The following SEC24A variants were observed in gnomAD, a reference collection of about 807,000 sequenced individuals.
SEC24A encodes the protein protein transport protein Sec24A.
In SEC24A, 93 loss-of-function variants were observed where a neutral mutation model predicts 129.4. The observed-to-expected ratio is 0.72, with a 90% CI of 0.61 to 0.85. SEC24A has a LOEUF of 0.85. Among genes scored for constraint, SEC24A ranks in the 40% least tolerant of loss-of-function variants. The pLI, the probability that SEC24A is intolerant of heterozygous loss-of-function variation, is 0.00. For missense variants in SEC24A, 1,264 were observed against 1,307.4 expected (o/e 0.97, Z 0.51); for synonymous variants, 460 against 467.3 (o/e 0.98, Z 0.20).
chr5:134,698,318 C>T (rs1751890674), intron 15 of SEC24A, among the ~76,000 whole-genome samples: 1 of 152,026 alleles, frequency 6.6e-6, no homozygotes, highest in African/African-American at 2.4e-5. Context: ...AAGACCTTAT[C>T]TCCGGCTGGG....
chr5:134,694,330 A>G (rs541049299), intron 13 of SEC24A, among the ~76,000 whole-genome samples: 3 of 152,252 alleles, frequency 2.0e-5, no homozygotes, highest in Non-Finnish European at 4.4e-5. Context: ...GTTTGAGACC[A>G]GCCTGACCAA....
chr5:134,707,167 C>T (rs1752189358), intron 17 of SEC24A, among the ~76,000 whole-genome samples: 1 of 152,050 alleles, frequency 6.6e-6, no homozygotes, highest in African/African-American at 2.4e-5. Context: ...AAACTTAATT[C>T]TGTCTGTATC....
At position 134,668,314 on chromosome 5, in the gene SEC24A, C is replaced by T. The variant is rs114161966; in HGVS notation, c.739+1318C>T. On this transcript the variant is annotated intron_variant, in intron 3 of 22. Transcript: ENST00000398844. The stretch of plus-strand genomic sequence containing the variant: ...GTTAGCAACGAGTAACAAGGCCGGG[C>T]GTGGTGGCTCATGCCTTCAATCCTG... Among the ~76,000 whole-genome samples, 803 of 152,220 alleles carry T rather than the reference C, an allele frequency of 5.3e-3. 3 individuals are homozygous for T. The highest frequency in any genetic ancestry group is 0.031 in the Middle Eastern group (9 of 294).
intron 11 of SEC24A, among the ~76,000 whole-genome samples, chr5:134,691,072 CA>C (rs756482983): frequency 2.6e-5 from 4 of 151,814 alleles, no homozygotes; most frequent in Admixed American, 6.6e-5. Flanking sequence ...AATCTGGTCT[CA>C]AACTCCTGGC....
chr5:134,686,527 A>G (rs1751458300), intron 9 of SEC24A, among the ~76,000 whole-genome samples: 1 of 152,132 alleles, frequency 6.6e-6, no homozygotes, highest in Admixed American at 6.6e-5. Flanking sequence ...ATGAGCCACC[A>G]CGCCCAGCCA....
At position 134,676,144 on chromosome 5, in the gene SEC24A, CT is replaced by C. The variant is rs760290027; in HGVS notation, c.1254+32del. ...CTTAGTGGTATGTTTCTTTTCTTTT[CT>C]TTTTTTTTTTTTGAGACGGAGTCTC... is the stretch of plus-strand genomic sequence containing the variant. On this transcript the variant is annotated intron_variant, in intron 7 of 22. Coordinates refer to ENST00000398844, the MANE Select transcript of SEC24A (RefSeq NM_021982.3). 107,454 of 1,172,562 alleles carry C rather than the reference CT, an allele frequency of 0.092. No homozygotes were observed. The highest frequency in any genetic ancestry group is 0.11 in the South Asian group (7,147 of 64,730). The allele number at this position is 1,172,562 out of a possible 1,614,324, so 72.6% of individuals were successfully genotyped here.
At chr5:134,708,002 G>T (rs1196282009) in intron 17 of SEC24A, among the ~76,000 whole-genome samples, 1 of 152,142 alleles carries the variant, frequency 6.6e-6, no homozygotes, top group East Asian at 1.9e-4. Flanking sequence ...AGTGGCACAT[G>T]TCTGTAGTCC....
chr5:134,670,816 T>C (rs1285009893), intron 3 of SEC24A, among the ~76,000 whole-genome samples: 1 of 151,704 alleles, frequency 6.6e-6, no homozygotes, highest in African/African-American at 2.4e-5. Flanking sequence ...GGTGAACCCC[T>C]GTCTCTACTA....
intron 12 of SEC24A, 52 bp from the exon 13 acceptor site, chr5:134,693,675 T>C (rs139612605): frequency 6.3e-7 from 1 of 1,595,884 alleles, no homozygotes; most frequent in African/African-American, 1.3e-5. Context: ...TGACTTAATG[T>C]GAAATAAAAT....
intron 7 of SEC24A, among the ~76,000 whole-genome samples, chr5:134,677,690 A>G (rs2150084733): frequency 6.6e-6 from 1 of 152,078 alleles, no homozygotes; most frequent in South Asian, 2.1e-4. Context: ...TAGAAAATTT[A>G]GCCAAGCATG....
At position 134,705,087 on chromosome 5, in the gene SEC24A, TATA is replaced by T. The variant is rs1472895330; in HGVS notation, c.2441-239_2441-237del. On this transcript the variant is annotated intron_variant, in intron 16 of 22. Transcript: ENST00000398844. ...ATTTATATTTATATATATATATATA[TATA>T]TTTTTTTTTTTTTAATTAATTTATT... Among the ~76,000 whole-genome samples the T allele has an allele frequency of 2.0e-3, 252 of 125,060 alleles. 1 individual carries two copies. Among genetic ancestry groups the T allele is most frequent in the Middle Eastern group, 3.8e-3 (1 of 266 alleles). The allele number at this position is 125,060 out of a possible 152,430, so 82.0% of individuals were successfully genotyped here.
chr5:134,676,189 G>GAGTGC, intron 7 of SEC24A, 64 bp downstream of exon 7: 1 of 1,215,706 alleles, frequency 8.2e-7, no homozygotes, highest in Non-Finnish European at 1.2e-6. Context: ...GCCCAGGCTG[G>GAGTGC]AGTGCAGTGA....
rs551221146 is a variant in SEC24A, at chr5:134,695,443, G to A, written c.1986+1510G>A. ...GAGGCAGGCGGATAACCTGAGGTCA[G>A]GAGTTCGAGACCAGCCTGGCCAACA... On this transcript the variant is annotated intron_variant, in intron 13 of 22. Coordinates refer to ENST00000398844, the MANE Select transcript of SEC24A (RefSeq NM_021982.3). Among the ~76,000 whole-genome samples, 85 of 152,194 alleles carry A rather than the reference G, an allele frequency of 5.6e-4. No homozygotes were observed. The South Asian group carries it at 6.9e-3, about 12-fold the overall frequency.
chr5:134,716,673 C>T (rs1752484966), intron 19 of SEC24A, among the ~76,000 whole-genome samples: 1 of 150,710 alleles, frequency 6.6e-6, no homozygotes, highest in Non-Finnish European at 1.5e-5. Context: ...TGATGCACGC[C>T]TGTAATCCTG....
At chr5:134,656,283 C>T (rs1323845434) in intron 1 of SEC24A, among the ~76,000 whole-genome samples, 2 of 151,908 alleles carry the variant, frequency 1.3e-5, no homozygotes, top group African/African-American at 2.4e-5. Context: ...GGGGTTTCAC[C>T]GTCTTAGGAT....
intron 15 of SEC24A, among the ~76,000 whole-genome samples, chr5:134,700,418 C>T (rs980200821): frequency 7.2e-5 from 11 of 152,076 alleles, no homozygotes; most frequent in Middle Eastern, 3.4e-3. Context: ...CAGGGTCTTA[C>T]TTTGTTACAC....
intron 2 of SEC24A, 37 bp downstream of exon 2, chr5:134,661,623 G>T: frequency 6.7e-7 from 1 of 1,482,212 alleles, no homozygotes; most frequent in South Asian, 1.2e-5. Context: ...ATGTAGAAAT[G>T]TGAAACTTTT....
intron 15 of SEC24A, among the ~76,000 whole-genome samples, chr5:134,701,445 G>A (rs1051313721): frequency 2.0e-5 from 3 of 151,900 alleles, no homozygotes; most frequent in Non-Finnish European, 2.9e-5. Context: ...TCAAGACAGA[G>A]GCTATTTTTA....
intron 4 of SEC24A, 90 bp downstream of exon 4, chr5:134,671,976 G>C: frequency 1.3e-6 from 1 of 783,146 alleles, no homozygotes; most frequent in Non-Finnish European, 2.1e-6. Flanking sequence ...AGGAAACTAA[G>C]AGGGAAACTT....
Sources: gnomAD v4.1 joint callset for allele counts (sites outside exome capture counted in the v4.1 genomes callset) on GRCh38, gnomAD v4.1.1 for gene constraint, MANE v1.5 for transcripts, NCBI Gene and HGNC (gene_info 2026-07-23, HGNC 2026-07-21) for gene names.